Variants in PUS10 observed in about 807,000 individuals in gnomAD.
PUS10 encodes tRNA pseudouridine synthase Pus10.
Under a neutral mutation model 75.0 loss-of-function variants are expected in PUS10, and 59 were observed. That is an observed-to-expected ratio of 0.79 (90% CI 0.64 to 0.98). The LOEUF is 0.98. PUS10 is among the 50% of genes least tolerant of loss of function. The pLI is 0.00. For synonymous variants in PUS10, 219 were observed against 211.6 expected, an observed-to-expected ratio of 1.03 and a Z score of -0.30; for missense variants, 650 against 614.4, an observed-to-expected ratio of 1.06 and a Z score of -0.61.
chr2:61,008,964 T>C lies in PUS10; in HGVS notation c.178A>G (p.Ile60Val). 6.2e-7 allele frequency: 1 copy of C among 1,612,738 alleles called. No individual in the cohort carries two copies. Among genetic ancestry groups the C allele is most frequent in the Non-Finnish European group, 8.5e-7 (1 of 1,179,374 alleles). The change falls in exon 3 of 18, where the codon ATT becomes GTT. Residue 60 changes from isoleucine (I) to valine (V), a missense_variant. Transcript: ENST00000316752. The stretch of plus-strand genomic sequence containing the variant: ...GGAGGTGGGTTCATAACTTCCAAAA[T>C]TAATTCATCTTTTTCAGTTTCCAGA... ...KFLETEKDEL[I>V]LEVMNPPPKK...
At chr2:60,997,441 T>G (rs1450799465) in intron 4 of PUS10, among the ~76,000 whole-genome samples, 2 of 152,104 alleles carry the variant, frequency 1.3e-5, no homozygotes, top group Non-Finnish European at 2.9e-5. Flanking sequence ...AAACCTCGTC[T>G]GTACTAAAAA....
rs903646470 is a variant in PUS10 at position 61,018,073 on chromosome 2, C to G, written c.-81G>C. 2 of 1,501,800 alleles carry G rather than the reference C, an allele frequency of 1.3e-6. No individual in the cohort carries two copies. Among genetic ancestry groups the G allele is most frequent in the Non-Finnish European group, 1.8e-6 (2 of 1,125,088 alleles). 93.0% of individuals were successfully genotyped at this position (1,501,800 alleles called of 1,614,324 possible). A position where few individuals can be genotyped will look rare whatever the true frequency, so the allele number is the denominator to read the frequency against. The stretch of plus-strand genomic sequence containing the variant: ...CAGCTCTAATCAGCAACGTTTTTTT[C>G]GGGAGCTCCTGGGCGTCTCTCTGGG... On this transcript the variant is annotated 5_prime_UTR_variant, in exon 1 of 18. Transcript: ENST00000316752.
At chr2:60,943,410 G>A (rs976462600) in intron 17 of PUS10, among the ~76,000 whole-genome samples, 50 of 150,422 alleles carry the variant, frequency 3.3e-4, no homozygotes, top group African/African-American at 1.0e-3. Context: ...CAGACTATTT[G>A]TCTCCACATA....
chr2:60,997,237 C>T (rs545395498), intron 4 of PUS10, among the ~76,000 whole-genome samples: 1 of 152,290 alleles, frequency 6.6e-6, no homozygotes, highest in Admixed American at 6.5e-5. Context: ...CTCGCCAACC[C>T]ACTCATAAAA....
rs537067729 is a variant in PUS10, at chr2:61,015,515, C to G, written c.-16+2493G>C. Among the ~76,000 whole-genome samples the G allele has an allele frequency of 1.6e-4, 24 of 151,986 alleles. No individual in the cohort carries two copies. The South Asian group carries it at 4.4e-3, about 28-fold the overall frequency. On this transcript the variant is annotated intron_variant, in intron 1 of 17. Coordinates refer to ENST00000316752, the MANE Select transcript of PUS10 (RefSeq NM_144709.4). ...GAGATCGAGACCATCCTGGCTAACA[C>G]GATGAAATCCCATCTCTACTAAAAA...
chr2:61,003,325 G>A (rs1188625993), intron 4 of PUS10, among the ~76,000 whole-genome samples: 2 of 151,900 alleles, frequency 1.3e-5, no homozygotes, highest in East Asian at 3.9e-4. Context: ...AGCTGGGTGT[G>A]GTGGCATATG....
At chr2:61,016,208 C>T (rs886347303) in intron 1 of PUS10, among the ~76,000 whole-genome samples, 1 of 152,284 alleles carries the variant, frequency 6.6e-6, no homozygotes, top group East Asian at 1.9e-4. Flanking sequence ...ATGAGAATTA[C>T]AAAACTTCCA....
At position 61,003,381 on chromosome 2, in the gene PUS10, G is replaced by C. The variant is rs949325771; in HGVS notation, c.468+3176C>G. ...TGAGGCTGAGGCAGGAAAATTGCTT[G>C]AACTCAGGAGGCGGAGGCTGCAGTG... On this transcript the variant is annotated intron_variant, in intron 4 of 17. Coordinates refer to ENST00000316752, the MANE Select transcript of PUS10 (RefSeq NM_144709.4). Among the ~76,000 whole-genome samples, 16 of 150,624 alleles carry C rather than the reference G, an allele frequency of 1.1e-4. 1 individual carries two copies. The highest frequency in any genetic ancestry group is 9.9e-4 in the Admixed American group (15 of 15,080).
intron 4 of PUS10, among the ~76,000 whole-genome samples, chr2:60,994,627 T>G (rs1459723556): frequency 6.6e-6 from 1 of 152,252 alleles, no homozygotes; most frequent in East Asian, 1.9e-4. Flanking sequence ...CATTACTCTT[T>G]TTAAATGATC....
chr2:60,978,312 C>T (rs1677165764), intron 4 of PUS10, among the ~76,000 whole-genome samples: 4 of 150,680 alleles, frequency 2.7e-5, no homozygotes. Flanking sequence ...ATCCCAGCTA[C>T]TAGGGAGACT....
chr2:61,008,572 T>C (rs140836004), intron 3 of PUS10, among the ~76,000 whole-genome samples, 189 bp downstream of exon 3: 57 of 152,200 alleles, frequency 3.7e-4, no homozygotes, highest in African/African-American at 1.2e-3. Flanking sequence ...TGTAGGAGGA[T>C]TGCTTGAGCC....
intron 9 of PUS10, 71 bp downstream of exon 9, chr2:60,962,755 C>A: frequency 6.6e-7 from 1 of 1,517,330 alleles, no homozygotes; most frequent in Non-Finnish European, 8.8e-7. Flanking sequence ...CAGAGATAAT[C>A]CAGCTTATCT....
intron 9 of PUS10, among the ~76,000 whole-genome samples, chr2:60,962,328 T>C (rs1676074978): frequency 6.6e-6 from 1 of 152,146 alleles, no homozygotes; most frequent in Non-Finnish European, 1.5e-5. Flanking sequence ...TCCCAGCACT[T>C]TGGGAGGCCG....
intron 4 of PUS10, among the ~76,000 whole-genome samples, chr2:60,981,940 C>G (rs1009164434): frequency 2.0e-5 from 3 of 151,984 alleles, no homozygotes; most frequent in African/African-American, 7.3e-5. Context: ...CACTTTGAAA[C>G]AAACAATTTT....
intron 10 of PUS10, 99 bp from the exon 11 acceptor site, chr2:60,960,616 C>T: frequency 8.8e-7 from 1 of 1,135,118 alleles, no homozygotes. Context: ...ATCCTAAGTG[C>T]TACGATATAA....
At chr2:60,981,561 C>T (rs192865262) in intron 4 of PUS10, among the ~76,000 whole-genome samples, 99 of 152,256 alleles carry the variant, frequency 6.5e-4, no homozygotes, top group Admixed American at 3.1e-3. Flanking sequence ...GGATTATTGG[C>T]GTGAGCCACC....
At chr2:60,950,726 G>GT (rs1286312828) in intron 15 of PUS10, among the ~76,000 whole-genome samples, 13 of 151,728 alleles carry the variant, frequency 8.6e-5, no homozygotes, top group African/African-American at 2.2e-4. Flanking sequence ...GCCTGATTTT[G>GT]TTTTTTTTAA....
At chr2:61,014,460 C>T (rs527639896) in intron 1 of PUS10, among the ~76,000 whole-genome samples, 2 of 152,256 alleles carry the variant, frequency 1.3e-5, no homozygotes. Flanking sequence ...CAACTGTTTG[C>T]TTAAATTGCC....
chr2:61,008,487 A>G (rs1202927608), intron 3 of PUS10, among the ~76,000 whole-genome samples: 3 of 152,014 alleles, frequency 2.0e-5, no homozygotes, highest in Non-Finnish European at 4.4e-5. Flanking sequence ...GCAAAACTCC[A>G]TCTCAAAAAA....
Sources: allele counts gnomAD v4.1 joint callset (sites outside exome capture counted in the v4.1 genomes callset), GRCh38; gene constraint gnomAD v4.1.1; transcripts MANE v1.5; gene names NCBI Gene and HGNC (gene_info 2026-07-23, HGNC 2026-07-21).